ITGB5: variants seen among roughly 807,000 people sequenced by gnomAD.
The protein encoded by ITGB5 is integrin subunit beta 5, also known as integrin beta-5.
ITGB5 carries 38 observed loss-of-function variants against 84.8 expected under a neutral mutation model. That is an observed-to-expected ratio of 0.45 (90% CI 0.35 to 0.59). The LOEUF is 0.59. Ranked by LOEUF, ITGB5 falls within the 20% of genes least tolerant of loss-of-function variation. The probability of loss-of-function intolerance (pLI) is 0.01; values close to 1 mark genes in which losing one functional copy is unlikely to be tolerated. For missense variants in ITGB5, 905 were observed against 1,034.5 expected (o/e 0.87, Z 1.72); for synonymous variants, 393 against 414.4 (o/e 0.95, Z 0.63).
intron 2 of ITGB5, among the ~76,000 whole-genome samples, chr3:124,860,782 C>T (rs956077185): frequency 1.3e-5 from 2 of 152,240 alleles, no homozygotes; most frequent in African/African-American, 2.4e-5. Flanking sequence ...GTCAGCATCC[C>T]TTGACCACTT....
chr3:124,815,795 A>C (rs1332466143), intron 8 of ITGB5, among the ~76,000 whole-genome samples: 1 of 152,110 alleles, frequency 6.6e-6, no homozygotes, highest in African/African-American at 2.4e-5. Flanking sequence ...ACTTCAGCAG[A>C]CCTATTGTGC....
intron 1 of ITGB5, among the ~76,000 whole-genome samples, chr3:124,877,787 C>T (rs1210536686): frequency 6.6e-6 from 1 of 152,088 alleles, no homozygotes; most frequent in Non-Finnish European, 1.5e-5. Context: ...TCTGTAACAG[C>T]CCCTTTATCA....
intron 5 of ITGB5, among the ~76,000 whole-genome samples, chr3:124,828,309 C>G (rs1302636638): frequency 2.6e-5 from 4 of 152,202 alleles, no homozygotes; most frequent in Non-Finnish European, 4.4e-5. Context: ...GATACATAAA[C>G]TGTTGCATAT....
At chr3:124,794,201 T>A (rs1490099420) in intron 10 of ITGB5, among the ~76,000 whole-genome samples, 1 of 152,234 alleles carries the variant, frequency 6.6e-6, no homozygotes, top group Non-Finnish European at 1.5e-5. Flanking sequence ...CTGTTTTACT[T>A]ACTACCTTTA....
upstream of ITGB5, among the ~76,000 whole-genome samples, chr3:124,890,311 C>T (rs2107658931): frequency 6.7e-6 from 1 of 149,084 alleles, no homozygotes; most frequent in African/African-American, 2.5e-5. Context: ...TCAAGCAATT[C>T]TCCTGTCTCA....
Position 124,796,702 on chromosome 3 carries a change from T to C in ITGB5, c.1379A>G (p.Asn460Ser). ...CCCCACGCTGCAGCCGCACGTGCAG[T>C]TGTAGGTGACCCCCACCTCCAGGCT... ...RDSLEVGVTY[N>S]CTCGCSVGLE... is the part of the protein sequence containing the mutation. Residue 460 changes from asparagine to serine, a missense_variant, in exon 10 of 15, where the codon AAC becomes AGC. Asn to Ser is a conservative substitution (Grantham distance 46). Around this residue, in one of 3 missense-constraint regions of ITGB5, gnomAD observed 656 missense variants for 734.7 expected, o/e 0.89. Transcript: ENST00000296181. 1 of 1,614,096 alleles carries C rather than the reference T, an allele frequency of 6.2e-7. No individual in the cohort carries two copies. Among genetic ancestry groups the C allele is most frequent in the South Asian group, 1.1e-5 (1 of 91,062 alleles).
At chr3:124,783,823 T>C (rs1459512414) in intron 10 of ITGB5, among the ~76,000 whole-genome samples, 1 of 152,202 alleles carries the variant, frequency 6.6e-6, no homozygotes, top group African/African-American at 2.4e-5. Context: ...TCTTGCACAT[T>C]GTTTGGGTTT....
intron 9 of ITGB5, among the ~76,000 whole-genome samples, chr3:124,802,650 T>G (rs1579220646): frequency 6.6e-6 from 1 of 152,234 alleles, no homozygotes; most frequent in African/African-American, 2.4e-5. Context: ...TTTTTGAACA[T>G]GGACCCCATA....
At chr3:124,855,969 G>A (rs188809776) in intron 3 of ITGB5, among the ~76,000 whole-genome samples, 2 of 151,986 alleles carry the variant, frequency 1.3e-5, no homozygotes, top group Non-Finnish European at 2.9e-5. Flanking sequence ...TTGGGTTCTT[G>A]TTGTTGTTGT....
rs1304992326 is a variant in ITGB5 at position 124,809,331 on chromosome 3, ACT to A, written c.1129-177_1129-176del. ...CCCTCATCCTTTCCCTTCTCTCTGC[ACT>A]CACACAACATCTTGCTAGACCCAGC... is the stretch of plus-strand genomic sequence containing the variant. On this transcript the variant is annotated intron_variant, in intron 8 of 14. Coordinates refer to ENST00000296181, the MANE Select transcript of ITGB5 (RefSeq NM_002213.5). The A allele has an allele frequency of 6.5e-6, 4 of 620,094 alleles. No individual in the cohort carries two copies. In the Admixed American group the frequency reaches 8.7e-5, roughly 13 times the overall value. The allele number at this position is 620,094 out of a possible 1,614,324, so 38.4% of individuals were successfully genotyped here.
chr3:124,860,517 C>A (rs1358297619), intron 2 of ITGB5, among the ~76,000 whole-genome samples: 1 of 152,198 alleles, frequency 6.6e-6, no homozygotes, highest in Non-Finnish European at 1.5e-5. Flanking sequence ...CAGAACAACT[C>A]AACCTCATTT....
At chr3:124,866,276 C>A (rs892034048) in intron 2 of ITGB5, among the ~76,000 whole-genome samples, 1 of 152,208 alleles carries the variant, frequency 6.6e-6, no homozygotes, top group African/African-American at 2.4e-5. Flanking sequence ...AGCCACCATG[C>A]CCAGCTCCCT....
rs1160726935 is a variant in ITGB5, at chr3:124,769,104, G to A, written c.1926C>T (p.Val642=). Residue 642 remains valine, a synonymous_variant, in exon 12 of 15, where the codon GTC becomes GTT. Transcript: ENST00000296181. ...PDACSTKRDC[V]ECLLLHSGKP... The stretch of plus-strand genomic sequence containing the variant: ...TCCCAGAGTGGAGCAGCAGGCACTC[G>A]ACGCAATCTCTTTGGAAAAGAGGAG... 3.7e-6 allele frequency: 6 copies of A among 1,613,794 alleles called. No homozygotes were observed. The highest frequency in any genetic ancestry group is 2.2e-5 in the East Asian group (1 of 44,890).
intron 5 of ITGB5, among the ~76,000 whole-genome samples, chr3:124,833,974 C>A (rs766874550): frequency 3.3e-5 from 5 of 152,162 alleles, no homozygotes; most frequent in African/African-American, 4.8e-5. Context: ...GGAAGTCCAC[C>A]AGGGAGGGCT....
intron 1 of ITGB5, among the ~76,000 whole-genome samples, chr3:124,874,918 G>A (rs1045946204): frequency 4.6e-5 from 7 of 152,224 alleles, no homozygotes; most frequent in Middle Eastern, 3.4e-3. Flanking sequence ...GAAAATGCAC[G>A]AGGAAAGCTC....
intron 3 of ITGB5, among the ~76,000 whole-genome samples, chr3:124,849,963 A>G (rs2065129212): frequency 6.6e-6 from 1 of 152,164 alleles, no homozygotes; most frequent in South Asian, 2.1e-4. Flanking sequence ...AGAACTGTCT[A>G]CACATACTTG....
chr3:124,796,535 C>T lies in ITGB5; in HGVS notation c.1546G>A (p.Ala516Thr), dbSNP rs1191126465. ...CCGCTGCACAGTGGCTTGCCCTCTG[C>T]CTCCCGGCACAGGTTCTGGTACACG... The part of the protein sequence containing the change: ...QSVYQNLCRE[A>T]EGKPLCSGRG... Residue 516 changes from alanine to threonine, a missense_variant, in exon 10 of 15, where the codon GCA becomes ACA. Ala to Thr is a moderately conservative substitution (Grantham distance 58). Around this residue, in one of 3 missense-constraint regions of ITGB5, gnomAD observed 656 missense variants for 734.7 expected, o/e 0.89. Transcript: ENST00000296181. The T allele has an allele frequency of 6.2e-7, 1 of 1,614,128 alleles. No individual in the cohort carries two copies. The highest frequency in any genetic ancestry group is 1.1e-5 in the South Asian group (1 of 91,090).
intron 5 of ITGB5, among the ~76,000 whole-genome samples, chr3:124,822,971 G>A (rs1437607375): frequency 1.3e-5 from 2 of 152,184 alleles, no homozygotes; most frequent in Non-Finnish European, 2.9e-5. Flanking sequence ...ACACTTCAAG[G>A]AAGCTGAAAG....
chr3:124,855,482 TTC>T (rs2065211137), intron 3 of ITGB5, among the ~76,000 whole-genome samples: 2 of 152,336 alleles, frequency 1.3e-5, no homozygotes, highest in East Asian at 1.9e-4. Context: ...TTGCCTGTAC[TTC>T]TCTTTGTAAA....
Sources: allele counts gnomAD v4.1 joint callset (sites outside exome capture counted in the v4.1 genomes callset), GRCh38; gene constraint gnomAD v4.1.1; regional missense constraint gnomAD v4.1.1; transcripts MANE v1.5; gene names NCBI Gene and HGNC (gene_info 2026-07-23, HGNC 2026-07-21).